TRAPPC9: variants seen among roughly 807,000 people sequenced by gnomAD.
TRAPPC9 encodes IKK2 binding protein.
Under a neutral mutation model 124.0 loss-of-function variants are expected in TRAPPC9, and 83 were observed. The observed-to-expected ratio is 0.67, with a 90% CI of 0.56 to 0.80. The LOEUF is 0.80. Ranked by LOEUF, TRAPPC9 falls within the 30% of genes least tolerant of loss-of-function variation. The pLI is 0.00. For missense variants in TRAPPC9, 1,302 were observed against 1,508.3 expected (o/e 0.86, Z 2.27); for synonymous variants, 638 against 617.5 (o/e 1.03, Z -0.49).
chr8:140,112,388 C>T (rs548466036), intron 17 of TRAPPC9, among the ~76,000 whole-genome samples: 26 of 145,954 alleles, frequency 1.8e-4, no homozygotes, highest in African/African-American at 3.4e-4. Context: ...GATGGTGGGA[C>T]AGGTGTGAGG....
At chr8:140,131,295 T>G (rs966302235) in intron 17 of TRAPPC9, among the ~76,000 whole-genome samples, 5 of 152,244 alleles carry the variant, frequency 3.3e-5, no homozygotes, top group Non-Finnish European at 7.3e-5. Flanking sequence ...CATAAAGGAC[T>G]GCCACATTTC....
chr8:139,961,685 G>A (rs1437881513), intron 19 of TRAPPC9, among the ~76,000 whole-genome samples: 1 of 123,704 alleles, frequency 8.1e-6, no homozygotes, highest in Non-Finnish European at 1.9e-5. Context: ...TGCAGGCTCA[G>A]GGGTGTCTGC....
intron 17 of TRAPPC9, among the ~76,000 whole-genome samples, chr8:140,114,079 C>T (rs2060832560): frequency 6.6e-6 from 1 of 152,174 alleles, no homozygotes; most frequent in Admixed American, 6.5e-5. Context: ...TCAACAGCAC[C>T]CAGTATGCAC....
intron 16 of TRAPPC9, among the ~76,000 whole-genome samples, chr8:140,227,700 C>T (rs767520407): frequency 2.0e-5 from 3 of 152,202 alleles, no homozygotes; most frequent in Non-Finnish European, 4.4e-5. Flanking sequence ...ACAATAAAAA[C>T]AGCTCTTCTA....
chr8:140,421,615 C>A (rs1416540385), intron 5 of TRAPPC9, among the ~76,000 whole-genome samples: 1 of 152,134 alleles, frequency 6.6e-6, no homozygotes, highest in East Asian at 1.9e-4. Flanking sequence ...CATACTCTAG[C>A]TAATCCGCTG....
rs1563805018 is a variant in TRAPPC9 at position 140,157,378 on chromosome 8, T to TTTTCCATTCAAAAGCCTCCC, written c.2556+64080_2556+64081insGGGAGGCTTTTGAATGGAAA. On this transcript the variant is annotated intron_variant, in intron 17 of 22. Transcript: ENST00000438773. ...TCCCTTTTCCATTCAGAAGCCTCCC[T>TTTTCCATTCAAAAGCCTCCC]TTTCCATTCAAAAGCCTTCCTTCTC... Among the ~76,000 whole-genome samples the TTTTCCATTCAAAAGCCTCCC allele has an allele frequency of 7.7e-5, 11 of 143,376 alleles. 2 individuals carry two copies. The highest frequency in any genetic ancestry group is 3.4e-3 in the Middle Eastern group (1 of 292). 94.1% of individuals were successfully genotyped at this position (143,376 alleles called of 152,430 possible). A position where few individuals can be genotyped will look rare whatever the true frequency, so the allele number is the denominator to read the frequency against.
chr8:140,354,301 A>G (rs79910841), intron 9 of TRAPPC9, among the ~76,000 whole-genome samples: 5,495 of 152,278 alleles, frequency 0.036, 209 homozygotes, highest in African/African-American at 0.098. Context: ...GGAATGCCAC[A>G]GAAGCTCTGT....
At chr8:140,400,881 T>G (rs2069241599) in intron 6 of TRAPPC9, among the ~76,000 whole-genome samples, 1 of 152,196 alleles carries the variant, frequency 6.6e-6, no homozygotes, top group African/African-American at 2.4e-5. Context: ...TGCAAAATCC[T>G]CCATGCTAGC....
chr8:139,845,608 G>A (rs1253773737), intron 21 of TRAPPC9, among the ~76,000 whole-genome samples: 4 of 152,222 alleles, frequency 2.6e-5, no homozygotes, highest in Non-Finnish European at 5.9e-5. Flanking sequence ...ACCGGGGAGG[G>A]AGTGCCTTCC....
intron 17 of TRAPPC9, among the ~76,000 whole-genome samples, chr8:140,159,197 T>C (rs2061704373): frequency 6.6e-6 from 1 of 152,232 alleles, no homozygotes; most frequent in Non-Finnish European, 1.5e-5. Flanking sequence ...TCTTAATACC[T>C]AATACCTAAA....
intron 21 of TRAPPC9, among the ~76,000 whole-genome samples, chr8:139,794,481 G>A (rs899770299): frequency 1.8e-4 from 28 of 152,216 alleles, no homozygotes; most frequent in African/African-American, 5.8e-4. Context: ...GAGCGGTTTC[G>A]TTAGGCAGGG....
At chr8:140,069,835 T>C (rs931711313) in intron 17 of TRAPPC9, among the ~76,000 whole-genome samples, 1 of 152,190 alleles carries the variant, frequency 6.6e-6, no homozygotes, top group Non-Finnish European at 1.5e-5. Flanking sequence ...CTGTAGCCCT[T>C]GGTCCAAAGC....
At chr8:139,753,782 C>T (rs917128600) in intron 21 of TRAPPC9, among the ~76,000 whole-genome samples, 4 of 152,168 alleles carry the variant, frequency 2.6e-5, no homozygotes, top group African/African-American at 7.2e-5. Context: ...TAAGGGTGAC[C>T]GCGAGGATGA....
At chr8:140,213,969 C>T (rs1348497827) in intron 17 of TRAPPC9, among the ~76,000 whole-genome samples, 1 of 152,184 alleles carries the variant, frequency 6.6e-6, no homozygotes, top group Non-Finnish European at 1.5e-5. Flanking sequence ...GTCGTTCCAG[C>T]CACTTGGAAT....
At chr8:139,774,786 C>G (rs1821244783) in intron 21 of TRAPPC9, among the ~76,000 whole-genome samples, 1 of 152,210 alleles carries the variant, frequency 6.6e-6, no homozygotes, top group African/African-American at 2.4e-5. Flanking sequence ...GGAGCAGAAT[C>G]TCTCCAGTGG....
chr8:140,345,823 G>A (rs1018036967), intron 9 of TRAPPC9, among the ~76,000 whole-genome samples: 1 of 152,232 alleles, frequency 6.6e-6, no homozygotes, highest in African/African-American at 2.4e-5. Flanking sequence ...AAGGGGTCAC[G>A]GGAGCAGGAA....
At chr8:139,866,586 C>T (rs138550458) in intron 21 of TRAPPC9, among the ~76,000 whole-genome samples, 7 of 152,160 alleles carry the variant, frequency 4.6e-5, no homozygotes, top group African/African-American at 1.4e-4. Flanking sequence ...ACAGGAAGAC[C>T]GATAAGTTAC....
chr8:140,255,254 G>A (rs1015788105), intron 15 of TRAPPC9, among the ~76,000 whole-genome samples: 10 of 152,238 alleles, frequency 6.6e-5, no homozygotes, highest in Non-Finnish European at 1.5e-4. Context: ...CACCTCAAAT[G>A]TGCCAGACAC....
chr8:140,268,311 A>G (rs1321809306), intron 15 of TRAPPC9, among the ~76,000 whole-genome samples: 6 of 144,136 alleles, frequency 4.2e-5, no homozygotes, highest in African/African-American at 7.9e-5. Context: ...TCATACTCCC[A>G]TGTCCTCTGA....
Sources: gnomAD v4.1 joint callset for allele counts (sites outside exome capture counted in the v4.1 genomes callset) on GRCh38, gnomAD v4.1.1 for gene constraint, MANE v1.5 for transcripts, NCBI Gene and HGNC (gene_info 2026-07-23, HGNC 2026-07-21) for gene names.